The following ATP12A variants were observed in gnomAD, a reference collection of about 807,000 sequenced individuals.
The protein encoded by ATP12A is potassium-transporting ATPase alpha chain 2.
ATP12A carries 81 observed loss-of-function variants against 111.2 expected under a neutral mutation model. The ratio of observed to expected loss-of-function variants is 0.73; its 90% confidence interval spans 0.61 to 0.88. ATP12A has a LOEUF of 0.88. ATP12A is among the 40% of genes least tolerant of loss of function. The probability of loss-of-function intolerance (pLI) is 0.00; values close to 1 mark genes in which losing one functional copy is unlikely to be tolerated. For missense variants in ATP12A, 1,196 were observed against 1,313.1 expected (o/e 0.91, Z 1.38); for synonymous variants, 498 against 499.8 (o/e 1.00, Z 0.05).
chr13:24,698,617 C>A (rs1005704021), intron 11 of ATP12A, 41 bp from the exon 12 acceptor site: 2 of 1,589,988 alleles, frequency 1.3e-6, no homozygotes, highest in African/African-American at 1.3e-5. Flanking sequence ...GAATGCGTTT[C>A]ACCTTTCTGT....
At chr13:24,710,355 C>T (rs543154408) in intron 19 of ATP12A, 105 bp from the exon 20 acceptor site, 71 of 1,397,380 alleles carry the variant, frequency 5.1e-5, no homozygotes, top group South Asian at 1.9e-4. Context: ...ATTCTCAGTC[C>T]GGGTGAGGTG....
rs367814094 is a variant in ATP12A at position 24,706,325 on chromosome 13, C to T, written c.2031C>T (p.Ala677=). The T allele has an allele frequency of 5.6e-5, 91 of 1,614,016 alleles. No homozygotes were observed. The South Asian group carries it at 6.2e-4, about 11-fold the overall frequency. ...CTGGCCCTTCTAGGGATGCCAAGGCCGCTGTGGTGACTGGCATGGAGCTGA... is the reference window on the plus strand; with the variant it reads ...CTGGCCCTTCTAGGGATGCCAAGGCTGCTGTGGTGACTGGCATGGAGCTGA... The part of the protein sequence containing the change: ...VEQVNKRDAK[A]AVVTGMELKD... The change falls in exon 15 of 23, where the codon GCC becomes GCT. Residue 677 remains alanine, a synonymous_variant. Coordinates refer to ENST00000381946, the MANE Select transcript of ATP12A (RefSeq NM_001676.7).
At chr13:24,711,446 A>C in intron 22 of ATP12A, 37 bp downstream of exon 22, 4 of 1,613,630 alleles carry the variant, frequency 2.5e-6, no homozygotes, top group Non-Finnish European at 3.4e-6. Flanking sequence ...CTGTTTACCC[A>C]CTTCAACAGA....
intron 17 of ATP12A, among the ~76,000 whole-genome samples, chr13:24,707,868 G>T (rs1875739691): frequency 6.6e-6 from 1 of 151,996 alleles, no homozygotes; most frequent in African/African-American, 2.4e-5. Context: ...TAGTAGAGAT[G>T]GGGTTTCCTG....
In ATP12A at chr13:24,689,262, G is replaced by C; in HGVS notation, c.433G>C (p.Val145Leu). 6.2e-7 allele frequency: 1 copy of C among 1,613,894 alleles called. No individual in the cohort carries two copies. Among genetic ancestry groups the C allele is most frequent in the East Asian group, 2.2e-5 (1 of 44,866 alleles). The change falls in exon 5 of 23, where the codon GTG (valine) becomes CTG (leucine). Residue 145 changes from valine to leucine, a missense_variant and splice_region_variant. Transcript: ENST00000381946. ...GACTGACGCCCTCCTTCTCACCCAG[G>C]TGTACTTGGGCTGTGTGCTTGGTCT... ...SSDKSASLNN[V>L]YLGCVLGLVV... is the part of the protein sequence containing the mutation.
In ATP12A at chr13:24,710,902, A is replaced by C. The variant is rs1308094369; in HGVS notation, c.2999+9A>C. On this transcript the variant is annotated intron_variant, in intron 21 of 22. Coordinates refer to ENST00000381946, the MANE Select transcript of ATP12A (RefSeq NM_001676.7). ...AGTTTCACCATGCTTAGGTGAGTTC[A>C]CCCTCAACAGCATGGAGGAAAGAGC... is the stretch of plus-strand genomic sequence containing the variant. The C allele has an allele frequency of 1.2e-6, 2 of 1,610,668 alleles. No individual in the cohort carries two copies. The highest frequency in any genetic ancestry group is 4.5e-5 in the East Asian group (2 of 44,860).
Position 24,700,935 on chromosome 13 carries a change from T to C in ATP12A, c.1881+13T>C. On this transcript the variant is annotated intron_variant, in intron 13 of 22. Transcript: ENST00000381946. ...TGCAGGGATCAAGGTGGGAGTTATT[T>C]TCCTGACTCAAGAAGTTCTTTCTTT... The C allele has an allele frequency of 6.2e-7, 1 of 1,610,784 alleles. No homozygotes were observed. The highest frequency in any genetic ancestry group is 8.5e-7 in the Non-Finnish European group (1 of 1,177,874).
intron 13 of ATP12A, 46 bp from the exon 14 acceptor site, chr13:24,701,888 AC>A (rs765417561): frequency 6.2e-7 from 1 of 1,612,970 alleles, no homozygotes; most frequent in Non-Finnish European, 8.5e-7. Context: ...ACTTTGGCCA[AC>A]CGAGTTCTTC....
intron 17 of ATP12A, 152 bp from the exon 18 acceptor site, chr13:24,709,212 C>T: frequency 1.2e-6 from 1 of 837,508 alleles, no homozygotes; most frequent in Admixed American, 2.8e-5. Flanking sequence ...TCCATACAGA[C>T]AACACGCCCT....
At chr13:24,683,883 G>A (rs984575966) in intron 2 of ATP12A, among the ~76,000 whole-genome samples, 2 of 152,136 alleles carry the variant, frequency 1.3e-5, no homozygotes, top group Non-Finnish European at 2.9e-5. Context: ...GTAATTTTCA[G>A]CAGCATATTG....
chr13:24,709,963 G>A, intron 19 of ATP12A, 135 bp downstream of exon 19: 1 of 1,319,808 alleles, frequency 7.6e-7, no homozygotes, highest in South Asian at 1.4e-5. Flanking sequence ...GGGCCCCCTT[G>A]CTGACACGTG....
intron 5 of ATP12A, among the ~76,000 whole-genome samples, chr13:24,689,593 A>G (rs980574117): frequency 6.6e-6 from 1 of 152,206 alleles, no homozygotes; most frequent in Admixed American, 6.5e-5. Flanking sequence ...AGCCCAAGGC[A>G]TCTTCTGTTC....
At chr13:24,686,777 G>GGAAA (rs10680537) in intron 3 of ATP12A, among the ~76,000 whole-genome samples, 36,129 of 149,608 alleles carry the variant, frequency 0.24, 5,232 homozygotes, top group East Asian at 0.52. Flanking sequence ...AAGGAAGGAA[G>GGAAA]GAAAGAAAGA....
Position 24,694,588 on chromosome 13 carries a change from T to C in ATP12A, c.1512+10T>C. ...TACTAATAAATTTCAGGTGAGTTTT[T>C]CCTCACAACCGGTAATCTCTGTCAT... is the stretch of plus-strand genomic sequence containing the variant. On this transcript the variant is annotated intron_variant, in intron 11 of 22. Coordinates refer to ENST00000381946, the MANE Select transcript of ATP12A (RefSeq NM_001676.7). The C allele has an allele frequency of 6.2e-7, 1 of 1,612,358 alleles. No individual in the cohort carries two copies. Among genetic ancestry groups the C allele is most frequent in the Non-Finnish European group, 8.5e-7 (1 of 1,179,994 alleles).
At position 24,681,728 on chromosome 13, in the gene ATP12A, G is replaced by A. The variant is rs143930634; in HGVS notation, c.168+8G>A. 9.8e-5 allele frequency: 158 copies of A among 1,614,122 alleles called. No individual in the cohort carries two copies. In the African/African-American group the frequency reaches 1.9e-3, roughly 20 times the overall value. ...CAGAAAGAACTCCATCTGGTCAGTA[G>A]CCTTAAGCCACGGGGTCCTGCCGGC... On this transcript the variant is annotated splice_region_variant and intron_variant, in intron 2 of 22. Transcript: ENST00000381946.
chr13:24,706,905 C>T lies in ATP12A; in HGVS notation c.2170-118C>T, dbSNP rs577877919. The stretch of plus-strand genomic sequence containing the variant: ...ATCTTTTCCCCTAAATGGGCCTTTC[C>T]GTTCAGCTATAATCATCCTCGCAAC... On this transcript the variant is annotated intron_variant, in intron 15 of 22. Transcript: ENST00000381946. 92 of 1,157,150 alleles carry T rather than the reference C, an allele frequency of 8.0e-5. No individual in the cohort carries two copies. The African/African-American group carries it at 1.0e-3, about 13-fold the overall frequency. The allele number at this position is 1,157,150 out of a possible 1,614,324, so 71.7% of individuals were successfully genotyped here.
intron 17 of ATP12A, among the ~76,000 whole-genome samples, chr13:24,708,941 G>GAAAGAAAGA (rs1555255689): frequency 7.0e-5 from 10 of 143,760 alleles, no homozygotes; most frequent in South Asian, 2.2e-4. Flanking sequence ...AAGAAAGAAA[G>GAAAGAAAGA]AAAGAAAGAA....
At chr13:24,705,955 G>A (rs569360079) in intron 14 of ATP12A, among the ~76,000 whole-genome samples, 1 of 152,348 alleles carries the variant, frequency 6.6e-6, no homozygotes, top group South Asian at 2.1e-4. Flanking sequence ...TTACAGGCAT[G>A]AGCCACTGCG....
At chr13:24,696,227 G>A (rs372755918) in intron 11 of ATP12A, among the ~76,000 whole-genome samples, 10 of 152,134 alleles carry the variant, frequency 6.6e-5, no homozygotes, top group African/African-American at 2.2e-4. Context: ...GAGGTGCCGC[G>A]CATCAGTGCA....
Sources: allele counts gnomAD v4.1 joint callset (sites outside exome capture counted in the v4.1 genomes callset), GRCh38; gene constraint gnomAD v4.1.1; transcripts MANE v1.5; gene names NCBI Gene and HGNC (gene_info 2026-07-23, HGNC 2026-07-21).